The following WDR49 variants were observed in gnomAD, a reference collection of about 807,000 sequenced individuals.
The protein encoded by WDR49 is cilia- and flagella-associated protein 337.
WDR49 carries 107 observed loss-of-function variants against 119.5 expected under a neutral mutation model. The ratio of observed to expected loss-of-function variants is 0.90; its 90% CI spans 0.77 to 1.05. WDR49 has a LOEUF of 1.05. Among genes scored for constraint, WDR49 ranks in the 50% least tolerant of loss-of-function variants. WDR49 has a pLI of 0.00. For synonymous variants in WDR49, 425 were observed against 418.8 expected, an observed-to-expected ratio of 1.01 and a Z score of -0.18; for missense variants, 1,240 against 1,220.5, an observed-to-expected ratio of 1.02 and a Z score of -0.24.
chr3:167,655,004 G>C (rs1173295049), upstream of WDR49, among the ~76,000 whole-genome samples: 3 of 152,050 alleles, frequency 2.0e-5, no homozygotes, highest in Non-Finnish European at 4.4e-5. Flanking sequence ...GCATGTATTA[G>C]TCTGTTTTCA....
chr3:167,649,924 A>G (rs555522252), intron 2 of WDR49, among the ~76,000 whole-genome samples: 47 of 152,320 alleles, frequency 3.1e-4, no homozygotes, highest in African/African-American at 1.1e-3. Flanking sequence ...ATATAGACAC[A>G]GTTGCTGATA....
intron 5 of WDR49, among the ~76,000 whole-genome samples, chr3:167,608,504 C>T (rs914393267): frequency 2.6e-5 from 4 of 152,112 alleles, no homozygotes; most frequent in Non-Finnish European, 5.9e-5. Context: ...GCCTGCAGTG[C>T]TACATATTGG....
At chr3:167,607,659 C>CT (rs1343418309) in intron 5 of WDR49, among the ~76,000 whole-genome samples, 1 of 152,130 alleles carries the variant, frequency 6.6e-6, no homozygotes, top group Non-Finnish European at 1.5e-5. Context: ...TTGCCTCCGT[C>CT]TTTTTTACTA....
In WDR49 at chr3:167,653,495, G is replaced by A; in HGVS notation, c.-70C>T. On this transcript the variant is annotated 5_prime_UTR_variant, in exon 2 of 19. Coordinates refer to ENST00000682715, the MANE Select transcript of WDR49 (RefSeq NM_001366157.1). Reference sequence around the variant, plus strand: ...GATGGATCTTCTTTTTCCTTCAACAGGTGCCTTTGAAAAGAAACTCAACTT... The same window carrying A: ...GATGGATCTTCTTTTTCCTTCAACAAGTGCCTTTGAAAAGAAACTCAACTT... 2.9e-6 allele frequency: 4 copies of A among 1,399,852 alleles called. No individual in the cohort carries two copies. The highest frequency in any genetic ancestry group is 5.3e-5 in the East Asian group (2 of 37,870). The allele number at this position is 1,399,852 out of a possible 1,614,324, so 86.7% of individuals were successfully genotyped here. A position where few individuals can be genotyped will look rare whatever the true frequency, so the allele number is the denominator to read the frequency against.
At chr3:167,545,894 G>T (rs1357341200) in intron 10 of WDR49, among the ~76,000 whole-genome samples, 2 of 136,410 alleles carry the variant, frequency 1.5e-5, no homozygotes, top group Non-Finnish European at 3.3e-5. Context: ...ATAAATAATT[G>T]TAATATTAAT....
chr3:167,485,124 A>AT (rs1393262558), intron 18 of WDR49, among the ~76,000 whole-genome samples: 2 of 152,164 alleles, frequency 1.3e-5, no homozygotes, highest in African/African-American at 4.8e-5. Flanking sequence ...GTTCTCACTC[A>AT]TAAGTCGGAG....
chr3:167,538,672 C>T (rs908660790), intron 10 of WDR49, among the ~76,000 whole-genome samples: 10 of 151,892 alleles, frequency 6.6e-5, no homozygotes, highest in African/African-American at 2.4e-4. Context: ...GGTACAGAGC[C>T]GTCAGCATAA....
At chr3:167,551,342 GAA>G (rs1174670297) in intron 10 of WDR49, among the ~76,000 whole-genome samples, 1 of 151,664 alleles carries the variant, frequency 6.6e-6, no homozygotes, top group Middle Eastern at 3.4e-3. Context: ...AAGGAAAGGG[GAA>G]AAAAAGAGAG....
chr3:167,610,123 T>TG (rs1254263740), intron 5 of WDR49, among the ~76,000 whole-genome samples: 1 of 152,114 alleles, frequency 6.6e-6, no homozygotes, highest in East Asian at 1.9e-4. Context: ...GTGGAGGCTA[T>TG]GGGGAAAAAC....
At chr3:167,490,699 C>A (rs1321936593) in intron 18 of WDR49, among the ~76,000 whole-genome samples, 1 of 152,082 alleles carries the variant, frequency 6.6e-6, no homozygotes, top group Non-Finnish European at 1.5e-5. Flanking sequence ...TATGTATTGT[C>A]TCCAGCACAC....
chr3:167,642,845 G>T (rs917237081), intron 2 of WDR49, among the ~76,000 whole-genome samples: 1 of 151,906 alleles, frequency 6.6e-6, no homozygotes, highest in Non-Finnish European at 1.5e-5. Flanking sequence ...TCTCACACTA[G>T]ACAAATTTGG....
intron 7 of WDR49, among the ~76,000 whole-genome samples, chr3:167,576,766 C>T (rs1714272189): frequency 6.6e-6 from 1 of 152,082 alleles, no homozygotes; most frequent in Non-Finnish European, 1.5e-5. Context: ...CTACAGAACA[C>T]AAAATAAATT....
intron 7 of WDR49, among the ~76,000 whole-genome samples, chr3:167,600,933 T>C (rs578159049): frequency 3.8e-4 from 58 of 152,254 alleles, no homozygotes; most frequent in Non-Finnish European, 6.8e-4. Flanking sequence ...GGGAGCTTTG[T>C]ATAAAATTTT....
chr3:167,597,976 G>C (rs78807067), intron 7 of WDR49, among the ~76,000 whole-genome samples: 2,613 of 152,226 alleles, frequency 0.017, 72 homozygotes, highest in African/African-American at 0.056. Context: ...TTAAGACTTT[G>C]GGGGACCATG....
intron 5 of WDR49, among the ~76,000 whole-genome samples, chr3:167,620,008 A>G (rs1716791087): frequency 6.6e-6 from 1 of 152,116 alleles, no homozygotes; most frequent in Admixed American, 6.6e-5. Context: ...ATTCAATTCT[A>G]AAGGCAGTCA....
chr3:167,590,263 T>C (rs911288252), intron 7 of WDR49, among the ~76,000 whole-genome samples: 1 of 152,124 alleles, frequency 6.6e-6, no homozygotes, highest in African/African-American at 2.4e-5. Flanking sequence ...CACTTGGTCA[T>C]AATGAATGAT....
chr3:167,566,896 T>G lies in WDR49; in HGVS notation c.1510-6668A>C, dbSNP rs1577244788. 4.4e-6 allele frequency: 3 copies of G among 674,344 alleles called. No individual in the cohort carries two copies. The East Asian group carries it at 8.3e-5, about 19-fold the overall frequency. The allele number at this position is 674,344 out of a possible 1,614,324, so 41.8% of individuals were successfully genotyped here. A position where few individuals can be genotyped will look rare whatever the true frequency, so the allele number is the denominator to read the frequency against. On this transcript the variant is annotated intron_variant, in intron 8 of 18. Transcript: ENST00000682715. The stretch of plus-strand genomic sequence containing the variant: ...CGTGTCGTCTTCACATTGAGAAGGC[T>G]GAGGAGGAGGAAAAGAAAGGGTTGG...
intron 7 of WDR49, among the ~76,000 whole-genome samples, chr3:167,598,566 C>T (rs912632149): frequency 1.3e-5 from 2 of 152,184 alleles, no homozygotes; most frequent in African/African-American, 4.8e-5. Context: ...CTTTCTCCTG[C>T]TGCCATGAAA....
intron 16 of WDR49, among the ~76,000 whole-genome samples, chr3:167,512,235 G>T (rs986459598): frequency 6.6e-6 from 1 of 152,096 alleles, no homozygotes; most frequent in Non-Finnish European, 1.5e-5. Context: ...CTCCAGGATG[G>T]ATCTCCCAGG....
Sources: allele counts gnomAD v4.1 joint callset (sites outside exome capture counted in the v4.1 genomes callset), GRCh38; gene constraint gnomAD v4.1.1; transcripts MANE v1.5; gene names NCBI Gene and HGNC (gene_info 2026-07-23, HGNC 2026-07-21).